The following COL14A1 variants were observed in gnomAD, a reference collection of about 807,000 sequenced individuals.
COL14A1 encodes collagen type XIV alpha 1 chain.
In COL14A1, 136 loss-of-function variants were observed where a neutral mutation model predicts 230.3. The ratio of observed to expected loss-of-function variants is 0.59; its 90% CI spans 0.51 to 0.68. The LOEUF is 0.68. COL14A1 is among the 30% of genes least tolerant of loss of function. COL14A1 has a pLI of 0.00. For synonymous variants in COL14A1, 792 were observed against 784.1 expected (o/e 1.01, Z -0.17); for missense variants, 1,976 against 2,215.8 (o/e 0.89, Z 2.17).
chr8:120,180,137 T>G (rs1204432608), intron 5 of COL14A1, among the ~76,000 whole-genome samples: 1 of 152,186 alleles, frequency 6.6e-6, no homozygotes, highest in African/African-American at 2.4e-5. Context: ...AAAAGTGATA[T>G]TAATTGACTT....
chr8:120,160,382 A>T (rs113405732), intron 3 of COL14A1, among the ~76,000 whole-genome samples: 1 of 152,066 alleles, frequency 6.6e-6, no homozygotes, highest in South Asian at 2.1e-4. Flanking sequence ...TTAATTGCTG[A>T]TAATACCAAA....
intron 5 of COL14A1, among the ~76,000 whole-genome samples, chr8:120,170,274 T>C (rs922345383): frequency 6.6e-6 from 1 of 152,050 alleles, no homozygotes; most frequent in Non-Finnish European, 1.5e-5. Flanking sequence ...ATTTTTCTTT[T>C]CTATTATATG....
At chr8:120,185,719 G>C (rs140937006) in intron 5 of COL14A1, among the ~76,000 whole-genome samples, 313 of 152,126 alleles carry the variant, frequency 2.1e-3, no homozygotes, top group African/African-American at 7.1e-3. Flanking sequence ...TAGCTCTGCC[G>C]GTAACTAGTA....
At position 120,340,109 on chromosome 8, in the gene COL14A1, A is replaced by T. The variant is rs112181525; in HGVS notation, c.4786-1216A>T. 8.8e-4 allele frequency among the ~76,000 whole-genome samples: 127 copies of T among 144,018 alleles called. 2 individuals carry two copies. Among genetic ancestry groups the T allele is most frequent in the African/African-American group, 2.3e-4 (9 of 38,442 alleles). The allele number at this position is 144,018 out of a possible 152,430, so 94.5% of individuals were successfully genotyped here. A position where few individuals can be genotyped will look rare whatever the true frequency, so the allele number is the denominator to read the frequency against. On this transcript the variant is annotated intron_variant, in intron 42 of 47. Transcript: ENST00000297848. ...TGTGGTGTATGTTTGTGAGTGAGTG[A>T]GTGTGTGTGTGTGTGTGTGTGTGTG...
intron 1 of COL14A1, among the ~76,000 whole-genome samples, chr8:120,138,762 G>A (rs1814794777): frequency 6.6e-6 from 1 of 152,120 alleles, no homozygotes; most frequent in African/African-American, 2.4e-5. Context: ...ATAGTGAGAA[G>A]AAATGAGGAG....
In COL14A1 at chr8:120,346,863, A is replaced by G. The variant is rs796363700; in HGVS notation, c.5077+1300A>G. 8.9e-4 allele frequency among the ~76,000 whole-genome samples: 136 copies of G among 152,332 alleles called. 1 individual carries two copies. The highest frequency in any genetic ancestry group is 3.1e-3 in the African/African-American group (130 of 41,578). ...TGAATTGCTTTGCACAATGCTTTGC[A>G]CTTAATAGGTACTTACTAGATAGTT... On this transcript the variant is annotated intron_variant, in intron 45 of 47. Transcript: ENST00000297848.
At chr8:120,129,755 C>T (rs984749765) in intron 1 of COL14A1, among the ~76,000 whole-genome samples, 1 of 152,192 alleles carries the variant, frequency 6.6e-6, no homozygotes, top group Non-Finnish European at 1.5e-5. Flanking sequence ...CTGCCAATTT[C>T]AAGTGTCATT....
At chr8:120,144,497 G>A (rs948806840) in intron 1 of COL14A1, among the ~76,000 whole-genome samples, 3 of 152,018 alleles carry the variant, frequency 2.0e-5, no homozygotes, top group Admixed American at 1.3e-4. Context: ...TTCAGCATCC[G>A]TTCTTGATTT....
intron 1 of COL14A1, among the ~76,000 whole-genome samples, chr8:120,139,205 A>G (rs1814814084): frequency 6.6e-6 from 1 of 152,216 alleles, no homozygotes; most frequent in African/African-American, 2.4e-5. Context: ...AATATATGAA[A>G]ACTTCTGTTA....
At chr8:120,249,209 C>T (rs961396885) in intron 21 of COL14A1, among the ~76,000 whole-genome samples, 3 of 151,886 alleles carry the variant, frequency 2.0e-5, no homozygotes, top group Non-Finnish European at 4.4e-5. Context: ...TGAGCCACCG[C>T]GCCCGGCCTA....
chr8:120,229,898 A>G (rs2130813367), intron 18 of COL14A1, among the ~76,000 whole-genome samples: 1 of 151,836 alleles, frequency 6.6e-6, no homozygotes, highest in Middle Eastern at 3.4e-3. Flanking sequence ...TTTTTCTTTT[A>G]GAGACAGGGT....
Position 120,341,360 on chromosome 8 carries a change from G to A in COL14A1, c.4821G>A (p.Arg1607=). The A allele has an allele frequency of 6.2e-7, 1 of 1,614,088 alleles. No homozygotes were observed. The highest frequency in any genetic ancestry group is 8.5e-7 in the Non-Finnish European group (1 of 1,179,996). ...GAGCAAAGGGGGAACGAGGAGAGCGGGTAAGTATCCTGTGGCTCTGCTTTC... is the reference window on the plus strand; with the variant it reads ...GAGCAAAGGGGGAACGAGGAGAGCGAGTAAGTATCCTGTGGCTCTGCTTTC... ...VPGAKGERGE[R]GDLQSQAMVR... The change falls in exon 43 of 48, where the codon CGG becomes CGA. Residue 1607 remains arginine, a splice_region_variant and synonymous_variant. Coordinates refer to ENST00000297848, the MANE Select transcript of COL14A1 (RefSeq NM_021110.4).
intron 45 of COL14A1, among the ~76,000 whole-genome samples, chr8:120,361,376 C>A (rs531819626): frequency 6.6e-6 from 1 of 152,174 alleles, no homozygotes; most frequent in Non-Finnish European, 1.5e-5. Flanking sequence ...CCATTCCTGT[C>A]CATCTTAGCA....
chr8:120,164,462 G>A (rs185171429), intron 4 of COL14A1, among the ~76,000 whole-genome samples: 1 of 151,742 alleles, frequency 6.6e-6, no homozygotes, highest in Non-Finnish European at 1.5e-5. Context: ...AGACTTATAG[G>A]CTGGTGCAAA....
intron 11 of COL14A1, among the ~76,000 whole-genome samples, chr8:120,209,303 G>T (rs1357804462): frequency 6.6e-6 from 1 of 152,060 alleles, no homozygotes; most frequent in Admixed American, 6.6e-5. Context: ...GGAGGTAGAG[G>T]TTGCAGCTAA....
At chr8:120,204,928 T>G (rs143077658) in intron 9 of COL14A1, among the ~76,000 whole-genome samples, 9 of 152,180 alleles carry the variant, frequency 5.9e-5, no homozygotes, top group African/African-American at 1.9e-4. Flanking sequence ...GGGGAAAAGA[T>G]TCATTACCAT....
chr8:120,308,063 C>A (rs1820907015), intron 36 of COL14A1, among the ~76,000 whole-genome samples: 1 of 152,218 alleles, frequency 6.6e-6, no homozygotes, highest in Non-Finnish European at 1.5e-5. Context: ...CTCACTGCAA[C>A]CTCTGCCTCC....
intron 5 of COL14A1, among the ~76,000 whole-genome samples, chr8:120,190,205 T>C (rs1262749719): frequency 6.6e-6 from 1 of 152,046 alleles, no homozygotes; most frequent in Non-Finnish European, 1.5e-5. Flanking sequence ...TATCTCATTA[T>C]GGTTTTGATA....
chr8:120,283,893 G>C, intron 32 of COL14A1, 115 bp downstream of exon 32: 1 of 722,252 alleles, frequency 1.4e-6, no homozygotes, highest in Non-Finnish European at 2.2e-6. Flanking sequence ...TATGTGATGT[G>C]TAAATACTAA....
Sources: allele counts gnomAD v4.1 joint callset (sites outside exome capture counted in the v4.1 genomes callset), GRCh38; gene constraint gnomAD v4.1.1; transcripts MANE v1.5; gene names NCBI Gene and HGNC (gene_info 2026-07-23, HGNC 2026-07-21).